Variants in ALLC observed in about 807,000 individuals in gnomAD.
ALLC encodes the protein probable inactive allantoicase.
Under a neutral mutation model 45.0 loss-of-function variants are expected in ALLC, and 40 were observed. The observed-to-expected ratio is 0.89, with a 90% CI of 0.69 to 1.16. The LOEUF is 1.16. ALLC is among the 50% of genes most tolerant of loss of function. The probability of loss-of-function intolerance (pLI) is 0.00; values close to 1 mark genes in which losing one functional copy is unlikely to be tolerated. For missense variants in ALLC, 488 were observed against 493.1 expected (o/e 0.99, Z 0.10); for synonymous variants, 176 against 178.1 (o/e 0.99, Z 0.09).
At position 3,674,065 on chromosome 2, in the gene ALLC, C is replaced by CT; in HGVS notation, c.34-7dup. ...TTGCTTTATCTTTCTTTCTTTCTTT[C>CT]TTTGTCTAGATTTTATTTGCAACAG... On this transcript the variant is annotated splice_polypyrimidine_tract_variant and intron_variant, in intron 2 of 11. Coordinates refer to ENST00000252505, the MANE Select transcript of ALLC (RefSeq NM_018436.4). The CT allele has an allele frequency of 6.5e-7, 1 of 1,529,670 alleles. No individual in the cohort carries two copies. 94.8% of individuals were successfully genotyped at this position (1,529,670 alleles called of 1,614,324 possible). A position where few individuals can be genotyped will look rare whatever the true frequency, so the allele number is the denominator to read the frequency against.
chr2:3,674,514 C>A (rs11891569), intron 3 of ALLC, among the ~76,000 whole-genome samples: 16,249 of 152,154 alleles, frequency 0.11, 914 homozygotes, highest in African/African-American at 0.16. Flanking sequence ...AAAATGCTGA[C>A]GAACATAGGG....
At chr2:3,653,088 CTG>C in the ALLC span, among the ~76,000 whole-genome samples, 1 of 152,198 alleles carries the variant, frequency 6.6e-6, no homozygotes, top group African/African-American at 2.4e-5. The surrounding 1 kb of genome is among the most constrained non-coding windows in gnomAD (Gnocchi z 4.1). Flanking sequence ...CTTCAAGTAA[CTG>C]GCCTGAACAT....
chr2:3,672,255 G>A (rs1156693533), intron 2 of ALLC, among the ~76,000 whole-genome samples: 1 of 119,874 alleles, frequency 8.3e-6, no homozygotes, highest in Admixed American at 7.6e-5. Flanking sequence ...GGTTAGATGG[G>A]AGGTCCTCTG....
At chr2:3,674,147 CAA>C (rs1666963171) in intron 3 of ALLC, 22 bp downstream of exon 3, 4 of 1,521,682 alleles carry the variant, frequency 2.6e-6, no homozygotes, top group Non-Finnish European at 3.6e-6. Context: ...TGACATTCTG[CAA>C]TGTAAAGGGT....
rs1225828916 is a variant in ALLC, at chr2:3,695,332, A to G, written c.512-385A>G. 1.8e-5 allele frequency: 4 copies of G among 224,772 alleles called. No individual in the cohort carries two copies. In the East Asian group the frequency reaches 3.8e-4, roughly 21 times the overall value. The allele number at this position is 224,772 out of a possible 1,614,324, so 13.9% of individuals were successfully genotyped here. A position where few individuals can be genotyped will look rare whatever the true frequency, so the allele number is the denominator to read the frequency against. ...GGAGACTGATTTTAGCAGGAACTTAAAAAGATAATTTCAGGCTGTGATTAG... is the reference window on the plus strand; with the variant it reads ...GGAGACTGATTTTAGCAGGAACTTAGAAAGATAATTTCAGGCTGTGATTAG... On this transcript the variant is annotated intron_variant, in intron 7 of 11. Coordinates refer to ENST00000252505, the MANE Select transcript of ALLC (RefSeq NM_018436.4).
the ALLC span, among the ~76,000 whole-genome samples, chr2:3,653,184 T>G: frequency 3.3e-5 from 5 of 152,372 alleles, no homozygotes; most frequent in East Asian, 9.6e-4. The surrounding 1 kb of genome is among the most constrained non-coding windows in gnomAD (Gnocchi z 4.1). Flanking sequence ...CACTCAGAGC[T>G]GGAGCATCAC....
rs548321779 is a variant in ALLC, at chr2:3,699,362, C to A, written c.850+1906C>A. 5.3e-5 allele frequency among the ~76,000 whole-genome samples: 8 copies of A among 152,268 alleles called. No homozygotes were observed. The South Asian group carries it at 1.7e-3, about 32-fold the overall frequency. Reference sequence around the variant, plus strand: ...TTCCTTTTTGTGGCTGCATAGTATTCCATGTTGTATATGTATCATATTTTC... The same window carrying A: ...TTCCTTTTTGTGGCTGCATAGTATTACATGTTGTATATGTATCATATTTTC... On this transcript the variant is annotated intron_variant, in intron 10 of 11. Coordinates refer to ENST00000252505, the MANE Select transcript of ALLC (RefSeq NM_018436.4).
At chr2:3,648,492 G>T in the ALLC span, among the ~76,000 whole-genome samples, 1 of 152,100 alleles carries the variant, frequency 6.6e-6, no homozygotes, top group African/African-American at 2.4e-5. Flanking sequence ...CTCCCTGGCT[G>T]CCCCAGGTCC....
chr2:3,646,130 G>A, the ALLC span, among the ~76,000 whole-genome samples: 1 of 152,168 alleles, frequency 6.6e-6, no homozygotes, highest in African/African-American at 2.4e-5. Context: ...TAATAAAGAT[G>A]ATGTCTCCCT....
At chr2:3,651,426 TGTGTGTGTGTGTGTGTTAGGAA>T in the ALLC span, among the ~76,000 whole-genome samples, 1 of 58,226 alleles carries the variant, frequency 1.7e-5, no homozygotes, top group Admixed American at 2.4e-4. Context: ...TGTGTGTGTG[TGTGTGTGTGTGTGTGTTAGGAA>T]GGGAGACGAG....
intron 1 of ALLC, among the ~76,000 whole-genome samples, chr2:3,664,223 T>C (rs1029183179): frequency 6.6e-6 from 1 of 152,204 alleles, no homozygotes; most frequent in Non-Finnish European, 1.5e-5. Context: ...CCCCTGCTGC[T>C]TCTATGAAAT....
chr2:3,662,317 A>G (rs11696000), intron 1 of ALLC, among the ~76,000 whole-genome samples: 70,436 of 152,122 alleles, frequency 0.46, 20,257 homozygotes, highest in African/African-American at 0.83. Flanking sequence ...TCAGGATTAG[A>G]GAGCATGCAT....
chr2:3,683,208 C>T (rs912954842), intron 7 of ALLC, 134 bp downstream of exon 7: 134 of 1,030,410 alleles, frequency 1.3e-4, no homozygotes, highest in Non-Finnish European at 2.5e-5. Flanking sequence ...TGTAATTTCT[C>T]CTTTTTATGC....
At chr2:3,696,394 A>G in intron 9 of ALLC, 46 bp downstream of exon 9, 2 of 1,511,496 alleles carry the variant, frequency 1.3e-6, no homozygotes, top group Non-Finnish European at 1.8e-6. Context: ...TCTTAAAAGT[A>G]TTTTTTGGAA....
intron 1 of ALLC, among the ~76,000 whole-genome samples, chr2:3,662,977 A>T (rs987902881): frequency 3.3e-5 from 5 of 152,192 alleles, no homozygotes; most frequent in African/African-American, 1.2e-4. Context: ...GGAAGACATG[A>T]GTTCACTTTC....
At chr2:3,647,885 C>T in the ALLC span, among the ~76,000 whole-genome samples, 35 of 152,226 alleles carry the variant, frequency 2.3e-4, no homozygotes, top group African/African-American at 6.8e-4. Context: ...TGATGTGCGC[C>T]GGTGAGACCC....
Position 3,682,951 on chromosome 2 carries a change from G to C in ALLC, c.388G>C (p.Asp130His). The change falls in exon 7 of 12, where the codon GAC (aspartate) becomes CAC (histidine). Residue 130 changes from aspartate (D) to histidine (H), a missense_variant. Asp to His is a moderately conservative substitution (Grantham distance 81, BLOSUM62 -1). Transcript: ENST00000252505. ...EFEAIAELKS[D>H]DWSYLVPMTE... ...CTATATTTATTGCTAGCTAAAATCC[G>C]ACGACTGGAGTTACTTGGTTCCCAT... 1.2e-6 allele frequency: 2 copies of C among 1,612,150 alleles called. No homozygotes were observed. The highest frequency in any genetic ancestry group is 1.7e-6 in the Non-Finnish European group (2 of 1,179,494).
the ALLC span, among the ~76,000 whole-genome samples, chr2:3,650,611 C>T: frequency 2.0e-5 from 3 of 152,308 alleles, no homozygotes; most frequent in South Asian, 2.1e-4. Flanking sequence ...GTCAGCAGTG[C>T]GTGCACCTCC....
Position 3,680,499 on chromosome 2 carries a change from G to A in ALLC, c.298+505G>A, listed in dbSNP as rs529679057. Among the ~76,000 whole-genome samples the A allele has an allele frequency of 2.0e-5, 3 of 152,238 alleles. No homozygotes were observed. Among genetic ancestry groups the A allele is most frequent in the South Asian group, 2.1e-4 (1 of 4,828 alleles). The stretch of plus-strand genomic sequence containing the variant: ...ATCCTGCAGGCTCTATAAATGAGAC[G>A]TATTCTGTGAAAGGGCCATATACAC... On this transcript the variant is annotated intron_variant, in intron 5 of 11. Transcript: ENST00000252505. The surrounding 1 kb of genome is among the most constrained non-coding windows in gnomAD (Gnocchi z 4.0).
Sources: gnomAD v4.1 joint callset for allele counts (sites outside exome capture counted in the v4.1 genomes callset) on GRCh38, gnomAD v4.1.1 for gene constraint, Gnocchi (gnomAD v3.1) non-coding constraint, MANE v1.5 for transcripts, NCBI Gene and HGNC (gene_info 2026-07-23, HGNC 2026-07-21) for gene names.